Variants in PDE4D observed in about 807,000 individuals in gnomAD.
The protein encoded by PDE4D is 3',5'-cyclic-AMP phosphodiesterase 4D.
A neutral mutation model predicts 87.4 loss-of-function variants in PDE4D; 24 were observed. The ratio of observed to expected loss-of-function variants is 0.27; its 90% CI spans 0.20 to 0.39. PDE4D has a LOEUF of 0.39. Ranked by LOEUF, PDE4D falls within the 10% of genes least tolerant of loss-of-function variation. The probability of loss-of-function intolerance (pLI) is 1.00; values close to 1 mark genes in which losing one functional copy is unlikely to be tolerated. For missense variants in PDE4D, 714 were observed against 1,041.0 expected, an observed-to-expected ratio of 0.69 and a Z score of 4.32; for synonymous variants, 384 against 383.2, an observed-to-expected ratio of 1.00 and a Z score of -0.02.
chr5:60,058,966 C>G (rs1771087169), intron 2 of PDE4D, among the ~76,000 whole-genome samples: 1 of 151,352 alleles, frequency 6.6e-6, no homozygotes, highest in Non-Finnish European at 1.5e-5. Context: ...CCATACCATT[C>G]TTTCTAGCTT....
chr5:59,485,610 C>T (rs1167984210), intron 1 of PDE4D, among the ~76,000 whole-genome samples: 7 of 151,572 alleles, frequency 4.6e-5, no homozygotes, highest in Admixed American at 2.0e-4. Context: ...TATATATAAA[C>T]ATATACAAAT....
At chr5:60,270,371 A>C (rs565924075) in intron 1 of PDE4D, among the ~76,000 whole-genome samples, 20 of 152,294 alleles carry the variant, frequency 1.3e-4, no homozygotes, top group African/African-American at 4.6e-4. Flanking sequence ...AAATCTAATA[A>C]ATTAGTTATT....
chr5:59,962,080 A>C (rs535231306), intron 3 of PDE4D, among the ~76,000 whole-genome samples: 1 of 152,324 alleles, frequency 6.6e-6, no homozygotes, highest in Non-Finnish European at 1.5e-5. Flanking sequence ...TAAAAATATA[A>C]ATGAATAAGA....
chr5:59,095,451 G>C (rs573699301), intron 5 of PDE4D, among the ~76,000 whole-genome samples: 161 of 152,124 alleles, frequency 1.1e-3, no homozygotes, highest in Middle Eastern at 6.8e-3. Flanking sequence ...TTACACTAGA[G>C]ATACTATTAT....
rs533014722 is a variant in PDE4D, at chr5:59,704,829, T to A, written c.455+188339A>T. On this transcript the variant is annotated intron_variant, in intron 1 of 14. Coordinates refer to ENST00000340635, the MANE Select transcript of PDE4D (RefSeq NM_001104631.2). The stretch of plus-strand genomic sequence containing the variant: ...CAATGTAGACATAAAAGTATCATAA[T>A]CCAACTTACATACAAAATGGAAAAA... Among the ~76,000 whole-genome samples the A allele has an allele frequency of 2.6e-5, 4 of 152,304 alleles. No individual in the cohort carries two copies. The East Asian group carries it at 7.7e-4, about 29-fold the overall frequency.
chr5:59,149,221 CTGTATT>C (rs1273562590), intron 5 of PDE4D, among the ~76,000 whole-genome samples: 3 of 152,136 alleles, frequency 2.0e-5, no homozygotes, highest in Non-Finnish European at 4.4e-5. Context: ...AGTAAATACT[CTGTATT>C]TGAGTCCAAA....
At chr5:60,451,949 A>G (rs1241139291) in intron 1 of PDE4D, among the ~76,000 whole-genome samples, 1 of 152,142 alleles carries the variant, frequency 6.6e-6, no homozygotes, top group East Asian at 1.9e-4. Context: ...GACAATAATA[A>G]AGACCTCTTC....
At chr5:59,978,031 T>C (rs981299734) in intron 3 of PDE4D, among the ~76,000 whole-genome samples, 118 of 152,176 alleles carry the variant, frequency 7.8e-4, no homozygotes, top group African/African-American at 2.8e-3. Context: ...CTTTTCAAAA[T>C]ATGACTGTTC....
chr5:59,451,562 A>C (rs1210162172), intron 1 of PDE4D, among the ~76,000 whole-genome samples: 2 of 152,142 alleles, frequency 1.3e-5, no homozygotes, highest in African/African-American at 4.8e-5. Context: ...AACCTCAGCT[A>C]CCCAGTTGCT....
chr5:60,139,095 G>A (rs1203455298), intron 2 of PDE4D, among the ~76,000 whole-genome samples: 3 of 151,938 alleles, frequency 2.0e-5, no homozygotes, highest in African/African-American at 7.2e-5. Context: ...GATCCCTGAA[G>A]GTAGAATTTT....
chr5:60,033,741 A>G (rs1009267336), intron 2 of PDE4D, among the ~76,000 whole-genome samples: 3 of 152,196 alleles, frequency 2.0e-5, no homozygotes, highest in Admixed American at 6.5e-5. Context: ...TTTTCACACC[A>G]TCTGGATGAA....
chr5:59,650,040 G>A (rs893551229), intron 1 of PDE4D, among the ~76,000 whole-genome samples: 1 of 150,130 alleles, frequency 6.7e-6, no homozygotes, highest in African/African-American at 2.5e-5. Context: ...GAAAACAAAC[G>A]TTCTTTATTT....
At chr5:59,684,288 T>C (rs1184536572) in intron 1 of PDE4D, among the ~76,000 whole-genome samples, 1 of 152,216 alleles carries the variant, frequency 6.6e-6, no homozygotes, top group Non-Finnish European at 1.5e-5. Context: ...TTTAATGTAT[T>C]CTACAGTATT....
intron 1 of PDE4D, among the ~76,000 whole-genome samples, chr5:59,558,258 T>C (rs1427815088): frequency 6.6e-6 from 1 of 152,100 alleles, no homozygotes; most frequent in Non-Finnish European, 1.5e-5. Context: ...AATTAGAAGG[T>C]ATATCAGAAA....
chr5:59,300,725 T>C (rs551485437), intron 1 of PDE4D, among the ~76,000 whole-genome samples: 3 of 152,128 alleles, frequency 2.0e-5, no homozygotes, highest in African/African-American at 4.8e-5. Context: ...TGTCCTGTAA[T>C]TCAGTTCCAA....
intron 5 of PDE4D, among the ~76,000 whole-genome samples, chr5:59,160,730 C>A (rs1780944321): frequency 6.6e-6 from 1 of 152,164 alleles, no homozygotes; most frequent in Admixed American, 6.5e-5. Flanking sequence ...TTAATTATAT[C>A]CTTCAATGGA....
chr5:59,819,755 T>C (rs749544197), intron 1 of PDE4D, among the ~76,000 whole-genome samples: 1 of 152,226 alleles, frequency 6.6e-6, no homozygotes, highest in Non-Finnish European at 1.5e-5. Context: ...ACAGTAGCTA[T>C]CTTTCCCCTC....
chr5:59,489,228 G>A (rs1805735658), intron 1 of PDE4D, among the ~76,000 whole-genome samples: 1 of 149,396 alleles, frequency 6.7e-6, no homozygotes, highest in Non-Finnish European at 1.5e-5. Context: ...TCACACCACT[G>A]CACTCTAGCC....
intron 1 of PDE4D, among the ~76,000 whole-genome samples, chr5:59,249,105 T>G (rs953599905): frequency 2.0e-5 from 3 of 151,934 alleles, no homozygotes; most frequent in Admixed American, 1.3e-4. Context: ...ATCTAATACA[T>G]AAAGAACTCT....
Sources: gnomAD v4.1 joint callset for allele counts (sites outside exome capture counted in the v4.1 genomes callset) on GRCh38, gnomAD v4.1.1 for gene constraint, MANE v1.5 for transcripts, NCBI Gene and HGNC (gene_info 2026-07-23, HGNC 2026-07-21) for gene names.